The following CTNNA2 variants were observed in gnomAD, a reference collection of about 807,000 sequenced individuals.
CTNNA2 encodes the protein catenin alpha 2, also known as catenin alpha-2.
CTNNA2 carries 42 observed loss-of-function variants against 101.0 expected under a neutral mutation model. The observed-to-expected ratio is 0.42, with a 90% CI of 0.32 to 0.54. CTNNA2 has a LOEUF of 0.54. Among genes scored for constraint, CTNNA2 ranks in the 20% least tolerant of loss-of-function variants. The pLI is 0.14. For synonymous variants in CTNNA2, 450 were observed against 456.4 expected (o/e 0.99, Z 0.18); for missense variants, 871 against 1,223.1 (o/e 0.71, Z 4.29).
chr2:80,410,591 C>T lies in CTNNA2; in HGVS notation c.1138-8858C>T, dbSNP rs78439268. ...TGATTGATAGCTAAATTTTGGTCTT[C>T]TAGCTTATGTAAAAAGTGTTAACTA... On this transcript the variant is annotated intron_variant, in intron 8 of 18. Transcript: ENST00000402739. 3.3e-5 allele frequency among the ~76,000 whole-genome samples: 5 copies of T among 152,290 alleles called. No individual in the cohort carries two copies. In the East Asian group the frequency reaches 5.8e-4, roughly 18 times the overall value.
chr2:80,599,925 T>TC (rs1418547544), intron 15 of CTNNA2, among the ~76,000 whole-genome samples: 1 of 108,496 alleles, frequency 9.2e-6, no homozygotes, highest in Non-Finnish European at 1.8e-5. Flanking sequence ...CCCTCCCCAC[T>TC]CCCCCCACCC....
chr2:79,982,231 T>TA (rs1558697466), intron 7 of CTNNA2, among the ~76,000 whole-genome samples: 2 of 63,452 alleles, frequency 3.2e-5, no homozygotes, highest in African/African-American at 1.1e-4. Context: ...TATATATATA[T>TA]ATATATATAT....
chr2:79,622,725 C>G (rs1679072258), intron 1 of CTNNA2, among the ~76,000 whole-genome samples: 1 of 152,112 alleles, frequency 6.6e-6, no homozygotes, highest in South Asian at 2.1e-4. Flanking sequence ...CATGGCTTAG[C>G]CATTCCCTCT....
chr2:79,892,626 A>AAGAAAG (rs1263651048), intron 6 of CTNNA2, among the ~76,000 whole-genome samples: 2 of 152,168 alleles, frequency 1.3e-5, no homozygotes, highest in East Asian at 1.9e-4. Context: ...CAGTAGGGGA[A>AAGAAAG]AGAAAGAGAA....
intron 4 of CTNNA2, among the ~76,000 whole-genome samples, chr2:79,415,139 A>T (rs1678463847): frequency 6.6e-6 from 1 of 152,126 alleles, no homozygotes; most frequent in Admixed American, 6.6e-5. Flanking sequence ...GGATCATGGC[A>T]ATAGGTCCCT....
chr2:80,357,588 T>C (rs1164754176), intron 7 of CTNNA2, among the ~76,000 whole-genome samples: 1 of 152,026 alleles, frequency 6.6e-6, no homozygotes, highest in Non-Finnish European at 1.5e-5. Context: ...GGACCAATGA[T>C]GTGTGGCAGA....
chr2:79,810,588 A>C (rs1178605410), intron 3 of CTNNA2, among the ~76,000 whole-genome samples: 3 of 150,506 alleles, frequency 2.0e-5, no homozygotes, highest in Non-Finnish European at 3.0e-5. Flanking sequence ...CAGGTTAGTT[A>C]CATATGTATA....
chr2:80,053,763 CT>C (rs1697034268), intron 7 of CTNNA2, among the ~76,000 whole-genome samples: 1 of 152,230 alleles, frequency 6.6e-6, no homozygotes, highest in Non-Finnish European at 1.5e-5. Flanking sequence ...TTTTAACAAT[CT>C]TCTGTTCACA....
intron 7 of CTNNA2, among the ~76,000 whole-genome samples, chr2:80,038,465 A>C (rs1695812639): frequency 6.6e-6 from 1 of 152,176 alleles, no homozygotes; most frequent in South Asian, 2.1e-4. Flanking sequence ...TCACGCCTGT[A>C]ATCCCAGCAC....
chr2:80,459,743 C>T (rs574718341), intron 9 of CTNNA2, among the ~76,000 whole-genome samples: 11 of 152,288 alleles, frequency 7.2e-5, no homozygotes, highest in African/African-American at 2.6e-4. Flanking sequence ...ATCTCCTTTT[C>T]CTACCATCAA....
At chr2:80,474,319 T>G (rs998306631) in intron 9 of CTNNA2, among the ~76,000 whole-genome samples, 4 of 152,152 alleles carry the variant, frequency 2.6e-5, no homozygotes, top group African/African-American at 7.2e-5. Flanking sequence ...GCCCTGAGCC[T>G]TAAGATCTTC....
intron 3 of CTNNA2, chr2:79,340,195 A>C (rs1434212): frequency 1.3e-5 from 2 of 151,946 alleles, no homozygotes; most frequent in South Asian, 4.1e-4. Context: ...GATGCTGATG[A>C]GAAAATATTT....
At chr2:80,427,765 G>A (rs2149420323) in intron 9 of CTNNA2, among the ~76,000 whole-genome samples, 1 of 152,292 alleles carries the variant, frequency 6.6e-6, no homozygotes, top group Admixed American at 6.5e-5. Flanking sequence ...TGAGTAAATT[G>A]CTCTTCTCAA....
chr2:79,619,673 C>T (rs541170322), intron 1 of CTNNA2, among the ~76,000 whole-genome samples: 1 of 152,180 alleles, frequency 6.6e-6, no homozygotes, highest in South Asian at 2.1e-4. Flanking sequence ...ATACGTGTGT[C>T]ATGAAAAATA....
intron 7 of CTNNA2, among the ~76,000 whole-genome samples, chr2:80,105,184 A>T (rs558732664): frequency 1.3e-5 from 2 of 152,328 alleles, no homozygotes; most frequent in East Asian, 3.9e-4. Context: ...CAACAGAATG[A>T]TTGATCATGT....
intron 7 of CTNNA2, among the ~76,000 whole-genome samples, chr2:79,948,763 T>C (rs922512250): frequency 6.6e-6 from 1 of 152,102 alleles, no homozygotes; most frequent in South Asian, 2.1e-4. Flanking sequence ...GGCCAGGAGA[T>C]GGACACCATC....
At chr2:79,200,516 G>A (rs372805302) in intron 2 of CTNNA2, among the ~76,000 whole-genome samples, 3 of 152,182 alleles carry the variant, frequency 2.0e-5, no homozygotes, top group African/African-American at 7.2e-5. Flanking sequence ...TCCGCAAAAC[G>A]GAGTCTGGCA....
chr2:80,594,345 G>C (rs1696765096), intron 15 of CTNNA2, among the ~76,000 whole-genome samples: 1 of 151,824 alleles, frequency 6.6e-6, no homozygotes, highest in Non-Finnish European at 1.5e-5. Context: ...TTGTTTGTTT[G>C]CTTTTTTGTT....
At chr2:80,315,301 A>G (rs920012746) in intron 7 of CTNNA2, among the ~76,000 whole-genome samples, 1 of 152,222 alleles carries the variant, frequency 6.6e-6, no homozygotes, top group Non-Finnish European at 1.5e-5. Flanking sequence ...CATGGTGGTT[A>G]AAACAACAAT....
Sources: gnomAD v4.1 joint callset for allele counts (sites outside exome capture counted in the v4.1 genomes callset) on GRCh38, gnomAD v4.1.1 for gene constraint, MANE v1.5 for transcripts, NCBI Gene and HGNC (gene_info 2026-07-23, HGNC 2026-07-21) for gene names.